The following CNTN5 variants were observed in gnomAD, a reference collection of about 807,000 sequenced individuals.
CNTN5 encodes the protein contactin-5.
A neutral mutation model predicts 129.1 loss-of-function variants in CNTN5; 77 were observed. The observed-to-expected ratio is 0.60, with a 90% CI of 0.50 to 0.72. The LOEUF is 0.72. Among genes scored for constraint, CNTN5 ranks in the 30% least tolerant of loss-of-function variants. CNTN5 has a pLI of 0.00. For synonymous variants in CNTN5, 509 were observed against 465.6 expected (o/e 1.09, Z -1.20); for missense variants, 1,478 against 1,328.8 (o/e 1.11, Z -1.75).
intron 3 of CNTN5, among the ~76,000 whole-genome samples, chr11:99,703,540 G>C (rs77594429): frequency 6.6e-6 from 1 of 150,708 alleles, no homozygotes; most frequent in Admixed American, 6.6e-5. Context: ...ATAGTCTTAC[G>C]AGGTAAGTGT....
rs552657482 is a variant in CNTN5, at chr11:99,564,363, C to T, written c.55+8094C>T. ...CAGGCCTCCTAAAGTGCTGGGATTACAGGCATGAGCCACCACACCTGGCCA... is the reference window on the plus strand; with the variant it reads ...CAGGCCTCCTAAAGTGCTGGGATTATAGGCATGAGCCACCACACCTGGCCA... On this transcript the variant is annotated intron_variant, in intron 3 of 24. Transcript: ENST00000524871. 2.6e-5 allele frequency among the ~76,000 whole-genome samples: 4 copies of T among 152,236 alleles called. No homozygotes were observed. The South Asian group carries it at 8.3e-4, about 32-fold the overall frequency.
chr11:99,218,701 A>T (rs1249414626), intron 1 of CNTN5, among the ~76,000 whole-genome samples: 2 of 152,146 alleles, frequency 1.3e-5, no homozygotes, highest in Non-Finnish European at 2.9e-5. Flanking sequence ...GTAGTACTAG[A>T]ACCCTGAATT....
chr11:99,489,370 G>A lies in CNTN5; in HGVS notation c.-70-66775G>A, dbSNP rs368632358. Among the ~76,000 whole-genome samples the A allele has an allele frequency of 2.0e-5, 3 of 152,146 alleles. No homozygotes were observed. In the East Asian group the frequency reaches 5.8e-4, roughly 29 times the overall value. ...TATAAGCATGTAAACATGACAAAGT[G>A]AAGCTGTTAAAACAATGAACTATGA... On this transcript the variant is annotated intron_variant, in intron 2 of 24. Transcript: ENST00000524871.
At chr11:100,199,273 T>C (rs1416724336) in intron 15 of CNTN5, among the ~76,000 whole-genome samples, 1 of 151,914 alleles carries the variant, frequency 6.6e-6, no homozygotes, top group East Asian at 1.9e-4. Context: ...ATTCACACTT[T>C]CATGTAAATG....
chr11:99,088,400 G>A (rs1266749446), intron 1 of CNTN5, among the ~76,000 whole-genome samples: 3 of 152,142 alleles, frequency 2.0e-5, no homozygotes, highest in Non-Finnish European at 4.4e-5. Context: ...CTTCGGCCTT[G>A]AGATCAAGGC....
chr11:100,182,556 A>T lies in CNTN5; in HGVS notation c.1581-8570A>T, dbSNP rs572526446. ...ATAAACATCCAGATCATAGAAGTTCATCATTTCAAAATCAAAGTATGATGC... is the reference window on the plus strand; with the variant it reads ...ATAAACATCCAGATCATAGAAGTTCTTCATTTCAAAATCAAAGTATGATGC... On this transcript the variant is annotated intron_variant, in intron 13 of 24. Coordinates refer to ENST00000524871, the MANE Select transcript of CNTN5 (RefSeq NM_014361.4). Among the ~76,000 whole-genome samples, 7 of 152,266 alleles carry T rather than the reference A, an allele frequency of 4.6e-5. No homozygotes were observed. The East Asian group carries it at 5.8e-4, about 13-fold the overall frequency.
At chr11:99,620,377 C>G (rs1218086993) in intron 3 of CNTN5, among the ~76,000 whole-genome samples, 1 of 151,866 alleles carries the variant, frequency 6.6e-6, no homozygotes, top group Non-Finnish European at 1.5e-5. Context: ...AGTAAACATT[C>G]ATTGCCAGCA....
chr11:100,042,910 A>G (rs1197492462), intron 9 of CNTN5, among the ~76,000 whole-genome samples: 1 of 152,218 alleles, frequency 6.6e-6, no homozygotes, highest in East Asian at 1.9e-4. Context: ...TCAAATGTGT[A>G]GTTGAACAGA....
At chr11:99,663,960 G>A (rs890747542) in intron 3 of CNTN5, among the ~76,000 whole-genome samples, 1 of 152,090 alleles carries the variant, frequency 6.6e-6, no homozygotes, top group Non-Finnish European at 1.5e-5. Flanking sequence ...TACATTTATT[G>A]TACTTATTGT....
At chr11:100,275,574 A>G (rs1274123455) in intron 18 of CNTN5, among the ~76,000 whole-genome samples, 3 of 152,102 alleles carry the variant, frequency 2.0e-5, no homozygotes, top group African/African-American at 7.2e-5. Context: ...TGTGCTATTA[A>G]AAAGCATTTT....
At chr11:99,861,190 C>T (rs1948196176) in intron 6 of CNTN5, among the ~76,000 whole-genome samples, 1 of 152,036 alleles carries the variant, frequency 6.6e-6, no homozygotes, top group Admixed American at 6.5e-5. Context: ...ATCTCCTGAC[C>T]TCGTGATCCG....
intron 9 of CNTN5, among the ~76,000 whole-genome samples, chr11:100,006,905 T>A (rs115080528): frequency 0.01 from 1,591 of 152,248 alleles, 37 homozygotes; most frequent in African/African-American, 0.036. Flanking sequence ...GGATTTGAAA[T>A]TTGAAAATTA....
At chr11:99,833,277 A>G (rs889868145) in intron 4 of CNTN5, among the ~76,000 whole-genome samples, 1 of 152,176 alleles carries the variant, frequency 6.6e-6, no homozygotes, top group African/African-American at 2.4e-5. Flanking sequence ...ACAGGACTCT[A>G]TAAAGGAAAC....
intron 2 of CNTN5, among the ~76,000 whole-genome samples, chr11:99,431,580 A>G (rs1333731169): frequency 1.3e-5 from 2 of 152,296 alleles, no homozygotes; most frequent in Non-Finnish European, 2.9e-5. Context: ...TGGGCATTGT[A>G]GATAGCCCAG....
At chr11:99,091,204 CCT>C (rs1866236490) in intron 1 of CNTN5, among the ~76,000 whole-genome samples, 1 of 152,060 alleles carries the variant, frequency 6.6e-6, no homozygotes, top group Non-Finnish European at 1.5e-5. Context: ...CACTTGCGGT[CCT>C]GTTACTATAA....
At chr11:99,158,371 G>A (rs968058788) in intron 1 of CNTN5, among the ~76,000 whole-genome samples, 5 of 152,044 alleles carry the variant, frequency 3.3e-5, no homozygotes, top group East Asian at 1.9e-4. Context: ...TCCCTCTCTC[G>A]TATAGTTATT....
At chr11:100,249,837 C>T (rs2138707334) in intron 16 of CNTN5, among the ~76,000 whole-genome samples, 1 of 152,148 alleles carries the variant, frequency 6.6e-6, no homozygotes, top group East Asian at 1.9e-4. Context: ...GTAATTCACT[C>T]CTAAATATAT....
At chr11:99,829,274 G>T (rs1294047016) in intron 4 of CNTN5, among the ~76,000 whole-genome samples, 1 of 152,152 alleles carries the variant, frequency 6.6e-6, no homozygotes, top group East Asian at 1.9e-4. Flanking sequence ...AGGAAGTACA[G>T]AAAAAGGCTG....
chr11:99,999,686 T>C (rs1939725951), intron 8 of CNTN5, among the ~76,000 whole-genome samples: 1 of 152,186 alleles, frequency 6.6e-6, no homozygotes, highest in African/African-American at 2.4e-5. Flanking sequence ...TAAATCATGC[T>C]GCTGTAAAGA....
Sources: allele counts gnomAD v4.1 joint callset (sites outside exome capture counted in the v4.1 genomes callset), GRCh38; gene constraint gnomAD v4.1.1; transcripts MANE v1.5; gene names NCBI Gene and HGNC (gene_info 2026-07-23, HGNC 2026-07-21).